Variants in PRSS23 observed in about 807,000 individuals in gnomAD.
PRSS23 encodes serine protease 23, also known as protease, serine 23.
A neutral mutation model predicts 34.7 loss-of-function variants in PRSS23; 25 were observed. That is an observed-to-expected ratio of 0.72 (90% CI 0.53 to 1.01). PRSS23 has a LOEUF of 1.01. Ranked by LOEUF, PRSS23 falls within the 50% of genes least tolerant of loss-of-function variation. The pLI, the probability that PRSS23 is intolerant of heterozygous loss-of-function variation, is 0.00. For synonymous variants in PRSS23, 176 were observed against 186.6 expected (o/e 0.94, Z 0.46); for missense variants, 445 against 475.6 (o/e 0.94, Z 0.60).
intron 2 of PRSS23, among the ~76,000 whole-genome samples, chr11:86,931,282 C>T (rs1286739159): frequency 6.6e-6 from 1 of 151,958 alleles, no homozygotes; most frequent in African/African-American, 2.4e-5. Flanking sequence ...AATATTTGTA[C>T]AAAATTTGTT....
At chr11:86,904,766 G>A (rs1364630987) in intron 2 of PRSS23, among the ~76,000 whole-genome samples, 2 of 152,052 alleles carry the variant, frequency 1.3e-5, no homozygotes, top group African/African-American at 2.4e-5. Context: ...TTTACCACTG[G>A]GCCAGATATG....
downstream of PRSS23, among the ~76,000 whole-genome samples, chr11:86,813,007 C>G (rs1283338183): frequency 6.6e-6 from 1 of 152,032 alleles, no homozygotes; most frequent in Non-Finnish European, 1.5e-5. Context: ...TGGGTTCCAG[C>G]TTCTCAGTGG....
intron 2 of PRSS23, among the ~76,000 whole-genome samples, chr11:86,872,924 T>C (rs1040187036): frequency 6.6e-6 from 1 of 152,050 alleles, no homozygotes; most frequent in Non-Finnish European, 1.5e-5. Context: ...TATTAAGAAA[T>C]AATATATCTA....
intron 1 of PRSS23, among the ~76,000 whole-genome samples, chr11:86,820,122 T>C (rs1948242316): frequency 6.6e-6 from 1 of 152,178 alleles, no homozygotes; most frequent in South Asian, 2.1e-4. Flanking sequence ...GGAGGGGGTG[T>C]AAAATAAATA....
chr11:86,872,899 G>A (rs1423459975), intron 2 of PRSS23, among the ~76,000 whole-genome samples: 1 of 152,072 alleles, frequency 6.6e-6, no homozygotes. Flanking sequence ...ACCTCATGGG[G>A]TCTGTTATAA....
At chr11:86,892,750 A>C (rs1349464102) in intron 2 of PRSS23, among the ~76,000 whole-genome samples, 2 of 152,168 alleles carry the variant, frequency 1.3e-5, no homozygotes, top group East Asian at 3.8e-4. Context: ...ATTGCCAAAA[A>C]GGGAAATGTA....
chr11:86,875,227 C>T (rs183172832), intron 2 of PRSS23, among the ~76,000 whole-genome samples: 11 of 152,136 alleles, frequency 7.2e-5, no homozygotes, highest in East Asian at 3.9e-4. Context: ...CACAATTAGC[C>T]GGGTGTGGTG....
Position 86,893,363 on chromosome 11 carries a change from C to T in PRSS23, c.207-57853C>T, listed in dbSNP as rs191055771. On this transcript the variant is annotated intron_variant, in intron 2 of 2. Coordinates refer to the PRSS23 transcript ENST00000533902. Reference sequence around the variant, plus strand: ...ATATAAGTATCTGAATCCAAAGCTTCGCAAATTATACTTACTGTGTGTTAT... The same window carrying T: ...ATATAAGTATCTGAATCCAAAGCTTTGCAAATTATACTTACTGTGTGTTAT... Among the ~76,000 whole-genome samples, 568 of 152,284 alleles carry T rather than the reference C, an allele frequency of 3.7e-3. 7 individuals carry two copies. The highest frequency in any genetic ancestry group is 0.01 in the African/African-American group (427 of 41,566).
chr11:86,901,576 C>T (rs1948912459), intron 2 of PRSS23, among the ~76,000 whole-genome samples: 1 of 152,138 alleles, frequency 6.6e-6, no homozygotes. Context: ...TTATAAAGGA[C>T]TTTGAGGAAA....
At chr11:86,821,431 A>G (rs1386364369) in intron 1 of PRSS23, 48 of 1,541,338 alleles carry the variant, frequency 3.1e-5, no homozygotes, top group Non-Finnish European at 4.2e-5. Flanking sequence ...GAAGACATGC[A>G]GCACCATCAA....
At chr11:86,837,907 C>G (rs1462835612) in intron 2 of PRSS23, among the ~76,000 whole-genome samples, 1 of 152,152 alleles carries the variant, frequency 6.6e-6, no homozygotes, top group Non-Finnish European at 1.5e-5. Context: ...AACTGAGGTA[C>G]CTGGTTCTTC....
At chr11:86,877,560 G>T (rs1948733149) in intron 2 of PRSS23, among the ~76,000 whole-genome samples, 1 of 151,936 alleles carries the variant, frequency 6.6e-6, no homozygotes, top group South Asian at 2.1e-4. Flanking sequence ...TTTGCATATG[G>T]CTATCTAGTT....
intron 2 of PRSS23, among the ~76,000 whole-genome samples, chr11:86,900,166 C>A (rs770048797): frequency 1.3e-5 from 2 of 152,176 alleles, no homozygotes; most frequent in Non-Finnish European, 2.9e-5. Context: ...GTATCTTGTT[C>A]TCTAAGTTGT....
intron 2 of PRSS23, among the ~76,000 whole-genome samples, chr11:86,840,481 C>T (rs528428473): frequency 2.4e-3 from 368 of 152,150 alleles, no homozygotes; most frequent in Non-Finnish European, 4.2e-3. Flanking sequence ...TCCTTAGAGA[C>T]CTACAAAGAG....
At chr11:86,913,568 T>A (rs962350008) in intron 2 of PRSS23, among the ~76,000 whole-genome samples, 1 of 151,420 alleles carries the variant, frequency 6.6e-6, no homozygotes, top group Non-Finnish European at 1.5e-5. Flanking sequence ...GAGAAACCAG[T>A]CAGGATATAT....
At position 86,939,426 on chromosome 11, in the gene PRSS23, A is replaced by ATATATATATATATTTTTTTTT; in HGVS notation, c.207-11789_207-11788insATATATATATATTTTTTTTTT. On this transcript the variant is annotated intron_variant, in intron 2 of 2. Coordinates refer to the PRSS23 transcript ENST00000533902. Reference sequence around the variant, plus strand: ...AAAATATATATATATATATATATATATTTTTTAACATGAGTAAAAATTGCA... The same window carrying ATATATATATATATTTTTTTTT: ...AAAATATATATATATATATATATATATATATATATATATTTTTTTTTTTTTTTAACATGAGTAAAAATTGCA... Among the ~76,000 whole-genome samples the ATATATATATATATTTTTTTTT allele has an allele frequency of 3.1e-3, 287 of 93,892 alleles. 2 individuals are homozygous for ATATATATATATATTTTTTTTT. The highest frequency in any genetic ancestry group is 4.9e-3 in the Non-Finnish European group (210 of 43,046). The allele number at this position is 93,892 out of a possible 152,430, so 61.6% of individuals were successfully genotyped here. A position where few individuals can be genotyped will look rare whatever the true frequency, so the allele number is the denominator to read the frequency against.
chr11:86,807,695 G>A lies in PRSS23; in HGVS notation c.52G>A (p.Val18Ile). 3.1e-6 allele frequency: 5 copies of A among 1,614,070 alleles called. No homozygotes were observed. The highest frequency in any genetic ancestry group is 4.2e-6 in the Non-Finnish European group (5 of 1,179,998). Residue 18 changes from valine to isoleucine, a missense_variant, in exon 2 of 2, where the codon GTT becomes ATT. Val to Ile is a conservative substitution (Grantham distance 29). Coordinates refer to ENST00000280258, the MANE Select transcript of PRSS23 (RefSeq NM_007173.6). ...LFLLFFLLCA[V>I]GQVSPYSAPW... ...CCTTCTCTTCTTTCTGCTCTGTGCT[G>A]TTGGGCAAGTGAGCCCTTACAGTGC...
chr11:86,823,855 A>G (rs1243914226), intron 2 of PRSS23, among the ~76,000 whole-genome samples: 1 of 151,274 alleles, frequency 6.6e-6, no homozygotes, highest in Non-Finnish European at 1.5e-5. Flanking sequence ...AAATACAAAA[A>G]ATTAGCCGGG....
exon 3 of PRSS23, chr11:86,952,166 C>G: frequency 1.2e-6 from 2 of 1,612,088 alleles, no homozygotes; most frequent in South Asian, 2.2e-5. Flanking sequence ...ACAGTTCAGG[C>G]TCCTTTTCAC....
Sources: gnomAD v4.1 joint callset for allele counts (sites outside exome capture counted in the v4.1 genomes callset) on GRCh38, gnomAD v4.1.1 for gene constraint, MANE v1.5 for transcripts, NCBI Gene and HGNC (gene_info 2026-07-23, HGNC 2026-07-21) for gene names.